The following EYS variants were observed in gnomAD, a reference collection of about 807,000 sequenced individuals.
The protein encoded by EYS is protein eyes shut homolog.
EYS carries 250 observed loss-of-function variants against 282.1 expected under a neutral mutation model. The observed-to-expected ratio is 0.89, with a 90% confidence interval of 0.80 to 0.98. The LOEUF (loss-of-function observed/expected upper bound fraction) is 0.98, where lower values mean the gene tolerates loss of function less well. Among genes scored for constraint, EYS ranks in the 50% least tolerant of loss-of-function variants. The probability of loss-of-function intolerance (pLI) is 0.00; values close to 1 mark genes in which losing one functional copy is unlikely to be tolerated. For missense variants in EYS, 4,016 were observed against 3,709.0 expected (o/e 1.08, Z -2.15); for synonymous variants, 1,355 against 1,282.9 (o/e 1.06, Z -1.20).
intron 22 of EYS, among the ~76,000 whole-genome samples, chr6:64,673,295 T>C (rs1769531307): frequency 6.6e-6 from 1 of 152,058 alleles, no homozygotes; most frequent in Non-Finnish European, 1.5e-5. Context: ...ATAAGACATA[T>C]ATGAGATGGA....
chr6:64,026,640 A>G (rs536492316), intron 33 of EYS, among the ~76,000 whole-genome samples: 1 of 152,282 alleles, frequency 6.6e-6, no homozygotes, highest in African/African-American at 2.4e-5. Flanking sequence ...ACAATATGCA[A>G]AGCTTGCAAT....
intron 1 of EYS, among the ~76,000 whole-genome samples, chr6:65,645,534 C>T (rs1474461035): frequency 6.6e-6 from 1 of 152,054 alleles, no homozygotes; most frequent in Non-Finnish European, 1.5e-5. Flanking sequence ...AAAAGTGGTG[C>T]TAAGAGGAAT....
intron 8 of EYS, among the ~76,000 whole-genome samples, chr6:65,357,379 G>T (rs559207465): frequency 6.6e-6 from 1 of 151,772 alleles, no homozygotes; most frequent in African/African-American, 2.4e-5. Flanking sequence ...CTTGTCCATC[G>T]TCTATAATAC....
At chr6:63,762,163 G>T (rs1769659127) in intron 41 of EYS, among the ~76,000 whole-genome samples, 1 of 151,986 alleles carries the variant, frequency 6.6e-6, no homozygotes, top group Non-Finnish European at 1.5e-5. Context: ...ACTGAGTTAT[G>T]AACTTAAGCT....
chr6:64,787,985 T>C (rs2149998300), intron 22 of EYS, among the ~76,000 whole-genome samples: 1 of 152,176 alleles, frequency 6.6e-6, no homozygotes, highest in South Asian at 2.1e-4. Flanking sequence ...TGCTTGTCTA[T>C]CTGAGTATAA....
At chr6:64,990,091 A>C (rs930052682) in intron 14 of EYS, among the ~76,000 whole-genome samples, 2 of 151,552 alleles carry the variant, frequency 1.3e-5, no homozygotes, top group Admixed American at 6.6e-5. Context: ...TTAATAAACT[A>C]CCTACAGACA....
chr6:64,921,046 G>A (rs1562259660), intron 15 of EYS, among the ~76,000 whole-genome samples: 1 of 152,054 alleles, frequency 6.6e-6, no homozygotes, highest in Admixed American at 6.6e-5. Context: ...AAGCAATGAG[G>A]AAACAAAATA....
rs1486244025 is a variant in EYS, at chr6:65,104,745, CGTTT to C, written c.2024-47022_2024-47019del. ...AATACAAAATCTTATAAAAATTATG[CGTTT>C]ATTTATCAGCATGAAACCCTAATCA... On this transcript the variant is annotated intron_variant, in intron 12 of 42. Coordinates refer to ENST00000503581, the MANE Select transcript of EYS (RefSeq NM_001142800.2). Among the ~76,000 whole-genome samples the C allele has an allele frequency of 4.6e-5, 7 of 151,440 alleles. No homozygotes were observed. In the South Asian group the frequency reaches 1.2e-3, roughly 27 times the overall value.
intron 22 of EYS, among the ~76,000 whole-genome samples, chr6:64,761,845 T>A (rs991180086): frequency 2.0e-5 from 3 of 152,174 alleles, no homozygotes; most frequent in African/African-American, 4.8e-5. Flanking sequence ...AATATCACTT[T>A]CCCCATGTAT....
rs979647559 is a variant in EYS at position 65,671,314 on chromosome 6, T to C, written c.-447-31422A>G. ...TACATGAAAACAAAGAGATGTACTT[T>C]AAAAACATTACATTGGTAAATTACA... On this transcript the variant is annotated intron_variant, in intron 1 of 42. Coordinates refer to ENST00000503581, the MANE Select transcript of EYS (RefSeq NM_001142800.2). Among the ~76,000 whole-genome samples, 77 of 152,148 alleles carry C rather than the reference T, an allele frequency of 5.1e-4. 1 individual carries two copies. The highest frequency in any genetic ancestry group is 1.8e-3 in the African/African-American group (75 of 41,464).
chr6:65,116,765 C>T (rs570698182), intron 12 of EYS, among the ~76,000 whole-genome samples: 1 of 152,264 alleles, frequency 6.6e-6, no homozygotes, highest in South Asian at 2.1e-4. Flanking sequence ...TATTTTATAT[C>T]TACATTAAGC....
At chr6:65,579,359 C>T (rs1358135055) in intron 2 of EYS, among the ~76,000 whole-genome samples, 1 of 152,024 alleles carries the variant, frequency 6.6e-6, no homozygotes, top group Non-Finnish European at 1.5e-5. Context: ...AAACAGTATG[C>T]TGATATTTGT....
intron 19 of EYS, among the ~76,000 whole-genome samples, chr6:64,830,776 A>G (rs996287394): frequency 2.0e-5 from 3 of 151,984 alleles, no homozygotes; most frequent in African/African-American, 7.2e-5. Context: ...TGAGCAGCAC[A>G]AAGGGTTGAC....
At position 64,228,393 on chromosome 6, in the gene EYS, A is replaced by T. The variant is rs1766314929; in HGVS notation, c.6424+2199T>A. 2.0e-5 allele frequency among the ~76,000 whole-genome samples: 3 copies of T among 152,202 alleles called. No individual in the cohort carries two copies. In the South Asian group the frequency reaches 6.2e-4, roughly 31 times the overall value. On this transcript the variant is annotated intron_variant, in intron 31 of 42. Coordinates refer to ENST00000503581, the MANE Select transcript of EYS (RefSeq NM_001142800.2). ...CAAAAAAATTACGGATAATATTATG[A>T]TAATCTAAAAATAGTCCTATTACAT...
At chr6:64,175,816 T>A (rs1019975554) in intron 31 of EYS, among the ~76,000 whole-genome samples, 1 of 152,110 alleles carries the variant, frequency 6.6e-6, no homozygotes, top group Non-Finnish European at 1.5e-5. Flanking sequence ...TATCTCCAGA[T>A]GACCTAAAAC....
intron 29 of EYS, among the ~76,000 whole-genome samples, chr6:64,334,743 T>C (rs1454798517): frequency 6.6e-6 from 1 of 152,126 alleles, no homozygotes; most frequent in Non-Finnish European, 1.5e-5. Flanking sequence ...GTGGAAAGCT[T>C]AATTCAATGA....
At chr6:65,028,069 T>C (rs940957107) in intron 13 of EYS, among the ~76,000 whole-genome samples, 1 of 152,154 alleles carries the variant, frequency 6.6e-6, no homozygotes, top group African/African-American at 2.4e-5. Flanking sequence ...AAGCATTTAC[T>C]ATTGTCATTT....
chr6:63,867,476 C>T (rs1435554001), intron 35 of EYS, among the ~76,000 whole-genome samples: 1 of 152,104 alleles, frequency 6.6e-6, no homozygotes, highest in Non-Finnish European at 1.5e-5. Context: ...TACCTATACA[C>T]CAGAGGACCA....
At chr6:65,130,706 T>G (rs2150202273) in intron 12 of EYS, among the ~76,000 whole-genome samples, 1 of 151,404 alleles carries the variant, frequency 6.6e-6, no homozygotes, top group East Asian at 2.0e-4. Flanking sequence ...GGTACTAAGC[T>G]TAATACCTAG....
Sources: gnomAD v4.1 joint callset for allele counts (sites outside exome capture counted in the v4.1 genomes callset) on GRCh38, gnomAD v4.1.1 for gene constraint, MANE v1.5 for transcripts, NCBI Gene and HGNC (gene_info 2026-07-23, HGNC 2026-07-21) for gene names.